ZNF157: variants seen among roughly 807,000 people sequenced by gnomAD.
ZNF157 encodes the protein zinc finger protein 157.
A neutral mutation model predicts 9.4 loss-of-function variants in ZNF157; 8 were observed. The ratio of observed to expected loss-of-function variants is 0.85; its 90% confidence interval spans 0.50 to 1.53. The LOEUF (loss-of-function observed/expected upper bound fraction) is 1.53. Among genes scored for constraint, ZNF157 ranks in the 40% most tolerant of loss-of-function variants. The pLI, the probability that ZNF157 is intolerant of heterozygous loss-of-function variation, is 0.00. For synonymous variants in ZNF157, 120 were observed against 130.8 expected (o/e 0.92, Z 0.56); for missense variants, 316 against 385.2 (o/e 0.82, Z 1.50).
chrX:47,379,230 C>T (rs781034317), intron 1 of ZNF157, among the ~76,000 whole-genome samples: 23 of 108,821 alleles, frequency 2.1e-4, no homozygotes, highest in African/African-American at 7.3e-4. Context: ...TGGGCTCAAG[C>T]GATCCACCCA....
intron 1 of ZNF157, among the ~76,000 whole-genome samples, chrX:47,380,659 A>G (rs1336571504): frequency 1.8e-5 from 2 of 111,726 alleles, no homozygotes; most frequent in African/African-American, 6.5e-5. Context: ...GCTGCTGATC[A>G]CCAGTTTCAG....
intron 1 of ZNF157, among the ~76,000 whole-genome samples, chrX:47,407,402 T>G (rs987791182): frequency 8.9e-6 from 1 of 112,342 alleles, no homozygotes; most frequent in Non-Finnish European, 1.9e-5. Flanking sequence ...AAAGACTGTA[T>G]AGAATTGATG....
At chrX:47,396,453 C>T (rs953498154) in intron 1 of ZNF157, among the ~76,000 whole-genome samples, 2 of 110,603 alleles carry the variant, frequency 1.8e-5, no homozygotes, top group South Asian at 3.9e-4. Context: ...ACAGGAGAAC[C>T]GCTTGAACCC....
At chrX:47,411,537 TA>T (rs1341388370) in intron 3 of ZNF157, among the ~76,000 whole-genome samples, 4 of 108,694 alleles carry the variant, frequency 3.7e-5, no homozygotes, top group African/African-American at 1.3e-4. Flanking sequence ...GTATTATTAT[TA>T]TTTTTTTTTT....
In ZNF157 at chrX:47,409,501, A is replaced by ATT. The variant is rs56959264; in HGVS notation, c.73-763_73-762dup. On this transcript the variant is annotated intron_variant, in intron 1 of 3. Coordinates refer to ENST00000377073, the MANE Select transcript of ZNF157 (RefSeq NM_003446.4). ...AGGCACCTGCCACCATGCCCGGCTA[A>ATT]TTTTTTTTTTTTTGTATTTTTAGTA... Among the ~76,000 whole-genome samples, 376 of 97,084 alleles carry ATT rather than the reference A, an allele frequency of 3.9e-3. 3 individuals are homozygous for ATT. Among genetic ancestry groups the ATT allele is most frequent in the East Asian group, 0.015 (45 of 3,057 alleles). The allele number at this position is 97,084 out of a possible 115,157, so 84.3% of individuals were successfully genotyped here. A position where few individuals can be genotyped will look rare whatever the true frequency, so the allele number is the denominator to read the frequency against.
chrX:47,375,543 T>C (rs1189770398), intron 1 of ZNF157, among the ~76,000 whole-genome samples: 3 of 111,181 alleles, frequency 2.7e-5, no homozygotes, highest in Non-Finnish European at 5.7e-5. Context: ...GTGTTGTACA[T>C]AGGGGTTTTG....
At chrX:47,380,099 C>G (rs988268991) in intron 1 of ZNF157, among the ~76,000 whole-genome samples, 1 of 110,446 alleles carries the variant, frequency 9.1e-6, no homozygotes, top group Non-Finnish European at 1.9e-5. Flanking sequence ...TATGTTGAAT[C>G]TCCTGATCAA....
At chrX:47,390,352 A>G (rs889853634) in intron 1 of ZNF157, 1 of 112,008 alleles carries the variant, frequency 8.9e-6, no homozygotes, top group African/African-American at 3.2e-5. Flanking sequence ...TGAAGGGAGA[A>G]CCATCAAAAA....
intron 1 of ZNF157, among the ~76,000 whole-genome samples, chrX:47,398,822 C>T (rs2055921972): frequency 8.9e-6 from 1 of 112,281 alleles, no homozygotes; most frequent in South Asian, 3.7e-4. Flanking sequence ...GCTGGGATTA[C>T]AGGCGCCTGC....
intron 1 of ZNF157, among the ~76,000 whole-genome samples, chrX:47,385,003 G>A (rs1429237389): frequency 9.0e-6 from 1 of 111,490 alleles, no homozygotes; most frequent in Non-Finnish European, 1.9e-5. Context: ...GGAGCTGGTC[G>A]GTTCTGTCAT....
At chrX:47,393,289 A>T (rs1007401715) in intron 1 of ZNF157, among the ~76,000 whole-genome samples, 4 of 112,032 alleles carry the variant, frequency 3.6e-5, no homozygotes, top group Middle Eastern at 4.2e-3. Context: ...AGATAGTTCG[A>T]TCAGCCCATT....
Position 47,410,345 on chromosome X carries a change from C to T in ZNF157, c.142C>T (p.Gln48Ter). The T allele has an allele frequency of 8.3e-7, 1 of 1,211,563 alleles. No individual in the cohort carries two copies. Among genetic ancestry groups the T allele is most frequent in the South Asian group, 1.8e-5 (1 of 56,989 alleles). The change falls in exon 2 of 4, where the codon CAG becomes TAG. Residue 48 changes from glutamine (Q) to a stop codon, truncating the protein, a stop_gained. Transcript: ENST00000377073. LOFTEE classifies it high-confidence loss of function. ...GGAGTGGCACAGACTGGACCCTGCT[C>T]AGAGGACCATGCACAAGGATGTGAT... ...RQEWHRLDPA[Q>*]RTMHKDVMLE... is the part of the protein sequence containing the mutation.
At chrX:47,393,307 T>C (rs753140856) in intron 1 of ZNF157, among the ~76,000 whole-genome samples, 172 of 112,250 alleles carry the variant, frequency 1.5e-3, no homozygotes, top group African/African-American at 5.3e-3. Context: ...ATTTCCTGCC[T>C]ATAAAGTTTT....
chrX:47,404,178 T>C (rs2055939721), intron 1 of ZNF157, among the ~76,000 whole-genome samples: 1 of 109,693 alleles, frequency 9.1e-6, no homozygotes, highest in African/African-American at 3.3e-5. Context: ...TTTGTTTGTT[T>C]GTTTTGAGAT....
chrX:47,386,360 C>G (rs2055879370), intron 1 of ZNF157, among the ~76,000 whole-genome samples: 1 of 111,199 alleles, frequency 9.0e-6, no homozygotes, highest in South Asian at 3.8e-4. Context: ...TTCCTGCCAT[C>G]TATCCCCTCG....
intron 1 of ZNF157, among the ~76,000 whole-genome samples, chrX:47,371,289 A>G (rs2055827997): frequency 9.2e-6 from 1 of 108,686 alleles, no homozygotes; most frequent in Non-Finnish European, 1.9e-5. Context: ...GTAAGCCAAG[A>G]TCGTGCCACT....
chrX:47,410,429 T>G, intron 2 of ZNF157, 27 bp downstream of exon 2: 1 of 1,203,924 alleles, frequency 8.3e-7, no homozygotes, highest in Non-Finnish European at 1.1e-6. Flanking sequence ...GTGTAACTCC[T>G]GAGAGCGTGT....
rs35568461 is a variant in ZNF157 at position 47,399,995 on chromosome X, CTT to C, written c.73-10263_73-10262del. Among the ~76,000 whole-genome samples the C allele has an allele frequency of 2.4e-3, 172 of 72,636 alleles. No individual in the cohort carries two copies. In the East Asian group the frequency reaches 0.044, roughly 19 times the overall value. 63.1% of individuals were successfully genotyped at this position (72,636 alleles called of 115,157 possible). A position where few individuals can be genotyped will look rare whatever the true frequency, so the allele number is the denominator to read the frequency against. On this transcript the variant is annotated intron_variant, in intron 1 of 3. Transcript: ENST00000377073. ...ATTGCCCAGTTTCTGTTCTCTCTCTCTTTTTTTTTTTTTTTTTTTGAGACAGA... is the reference window on the plus strand; with the variant it reads ...ATTGCCCAGTTTCTGTTCTCTCTCTCTTTTTTTTTTTTTTTTTGAGACAGA...
chrX:47,378,477 C>A (rs2055851566), intron 1 of ZNF157, among the ~76,000 whole-genome samples: 1 of 111,743 alleles, frequency 8.9e-6, no homozygotes, highest in South Asian at 3.7e-4. Flanking sequence ...GCAGTCTAAT[C>A]CCCAGGCAGG....
Sources: gnomAD v4.1 joint callset for allele counts (sites outside exome capture counted in the v4.1 genomes callset) on GRCh38, gnomAD v4.1.1 for gene constraint, MANE v1.5 for transcripts, NCBI Gene and HGNC (gene_info 2026-07-23, HGNC 2026-07-21) for gene names.